Variants in OPCML observed in about 807,000 individuals in gnomAD.
OPCML encodes the protein opioid-binding protein/cell adhesion molecule.
OPCML carries 13 observed loss-of-function variants against 37.8 expected under a neutral mutation model. The observed-to-expected ratio is 0.34, with a 90% CI of 0.22 to 0.55. The LOEUF (loss-of-function observed/expected upper bound fraction) is 0.55. OPCML is among the 20% of genes least tolerant of loss of function. The pLI, the probability that OPCML is intolerant of heterozygous loss-of-function variation, is 0.91. For synonymous variants in OPCML, 176 were observed against 168.8 expected (o/e 1.04, Z -0.33); for missense variants, 341 against 435.6 (o/e 0.78, Z 1.93).
At chr11:133,102,486 T>C (rs1322291138) in intron 1 of OPCML, among the ~76,000 whole-genome samples, 1 of 152,174 alleles carries the variant, frequency 6.6e-6, no homozygotes. Flanking sequence ...CGGTGGCTCA[T>C]GCCTGTAATC....
At chr11:133,362,865 C>T (rs1462883924) in intron 1 of OPCML, among the ~76,000 whole-genome samples, 2 of 152,108 alleles carry the variant, frequency 1.3e-5, no homozygotes, top group Non-Finnish European at 2.9e-5. Flanking sequence ...CAATCAAAGC[C>T]ATTTCTCCTT....
At chr11:132,993,795 A>G (rs1457636540) in intron 1 of OPCML, among the ~76,000 whole-genome samples, 1 of 152,122 alleles carries the variant, frequency 6.6e-6, no homozygotes, top group Admixed American at 6.5e-5. Flanking sequence ...ATTTCTAGAC[A>G]TTGACAGGCC....
chr11:132,517,326 T>C (rs494050), intron 4 of OPCML, among the ~76,000 whole-genome samples: 87,689 of 152,038 alleles, frequency 0.58, 27,550 homozygotes, highest in East Asian at 0.99. Context: ...CCAAGGGTGG[T>C]AGGTGCACAG....
At chr11:132,614,510 T>C (rs1002704276) in intron 3 of OPCML, among the ~76,000 whole-genome samples, 4 of 152,092 alleles carry the variant, frequency 2.6e-5, no homozygotes, top group Admixed American at 6.6e-5. Flanking sequence ...CTTCATGTTA[T>C]ACCGCTTGTG....
intron 2 of OPCML, among the ~76,000 whole-genome samples, chr11:132,933,516 A>G (rs1945276379): frequency 6.6e-6 from 1 of 152,302 alleles, no homozygotes; most frequent in Middle Eastern, 3.4e-3. Flanking sequence ...TTGTAATTTC[A>G]GTGACTTGTG....
At chr11:133,322,133 C>T (rs1943343932) in intron 1 of OPCML, among the ~76,000 whole-genome samples, 1 of 152,244 alleles carries the variant, frequency 6.6e-6, no homozygotes, top group African/African-American at 2.4e-5. Context: ...TTAAAGATGG[C>T]TGATGGCCAT....
At chr11:132,606,056 C>T (rs1421546995) in intron 3 of OPCML, among the ~76,000 whole-genome samples, 1 of 152,092 alleles carries the variant, frequency 6.6e-6, no homozygotes, top group Non-Finnish European at 1.5e-5. Flanking sequence ...TTCTTCCTTC[C>T]AAGTGTCCTC....
chr11:133,238,394 T>C (rs979432673), intron 1 of OPCML, among the ~76,000 whole-genome samples: 2 of 152,270 alleles, frequency 1.3e-5, no homozygotes, highest in African/African-American at 4.8e-5. Flanking sequence ...TATTTACTGA[T>C]AAATTTATGT....
At chr11:132,609,205 T>G (rs560818628) in intron 3 of OPCML, among the ~76,000 whole-genome samples, 11 of 152,160 alleles carry the variant, frequency 7.2e-5, no homozygotes, top group Admixed American at 3.3e-4. Flanking sequence ...AGAACTGACA[T>G]GTAGGTCTGC....
intron 2 of OPCML, among the ~76,000 whole-genome samples, chr11:132,691,880 A>C (rs1943417939): frequency 6.6e-6 from 1 of 152,112 alleles, no homozygotes; most frequent in Non-Finnish European, 1.5e-5. Flanking sequence ...CACAGAGGGG[A>C]CTTAGAAGTC....
At chr11:132,805,653 C>A (rs1938959852) in intron 2 of OPCML, among the ~76,000 whole-genome samples, 1 of 152,136 alleles carries the variant, frequency 6.6e-6, no homozygotes. Context: ...AAACAGTCAG[C>A]CCAGAAATTC....
At position 132,418,513 on chromosome 11, in the gene OPCML, C is replaced by T. The variant is rs564028150; in HGVS notation, c.*1680G>A. Reference sequence around the variant, plus strand: ...GAGGAAACTGTGTCACTGACACTTTCTCCCTTCTGTTTGCAGTGTTGTGTT... The same window carrying T: ...GAGGAAACTGTGTCACTGACACTTTTTCCCTTCTGTTTGCAGTGTTGTGTT... On this transcript the variant is annotated 3_prime_UTR_variant, in exon 8 of 8. Transcript: ENST00000524381. 3 of 152,762 alleles carry T rather than the reference C, an allele frequency of 2.0e-5. No homozygotes were observed. The South Asian group carries it at 6.2e-4, about 32-fold the overall frequency. 9.5% of individuals were successfully genotyped at this position (152,762 alleles called of 1,614,324 possible).
At chr11:132,488,594 G>A (rs2096207058) in intron 4 of OPCML, among the ~76,000 whole-genome samples, 1 of 152,224 alleles carries the variant, frequency 6.6e-6, no homozygotes, top group Non-Finnish European at 1.5e-5. Context: ...TGAGTGGTGA[G>A]TGAATGTGAA....
intron 2 of OPCML, among the ~76,000 whole-genome samples, chr11:132,839,584 G>A (rs1941198975): frequency 1.3e-5 from 2 of 152,168 alleles, no homozygotes; most frequent in Admixed American, 6.5e-5. Flanking sequence ...GGACAAGGCT[G>A]GAGAGGACTG....
chr11:133,137,478 CAT>C (rs1307540213), intron 1 of OPCML, among the ~76,000 whole-genome samples: 13 of 152,276 alleles, frequency 8.5e-5, no homozygotes, highest in African/African-American at 3.1e-4. Context: ...AGGACTGACT[CAT>C]AGCACAGAAG....
chr11:132,495,902 A>C (rs2096229810), intron 4 of OPCML, among the ~76,000 whole-genome samples: 1 of 152,098 alleles, frequency 6.6e-6, no homozygotes, highest in African/African-American at 2.4e-5. Context: ...CTCAAAAAAA[A>C]AAAAAAAAAA....
At chr11:132,884,941 T>C (rs375650531) in intron 2 of OPCML, among the ~76,000 whole-genome samples, 1 of 152,170 alleles carries the variant, frequency 6.6e-6, no homozygotes, top group Non-Finnish European at 1.5e-5. Context: ...GTGCACCTGA[T>C]TGAATATCAG....
intron 3 of OPCML, among the ~76,000 whole-genome samples, chr11:132,598,882 A>C (rs1312073673): frequency 6.6e-6 from 1 of 152,098 alleles, no homozygotes; most frequent in Non-Finnish European, 1.5e-5. Context: ...TTTGGCTTTT[A>C]TGTGTGAGAT....
intron 2 of OPCML, among the ~76,000 whole-genome samples, chr11:132,836,901 A>G (rs2136292166): frequency 6.6e-6 from 1 of 152,340 alleles, no homozygotes; most frequent in Middle Eastern, 3.4e-3. Flanking sequence ...TTTGGAATCC[A>G]TTTGATAACC....
Sources: gnomAD v4.1 joint callset for allele counts (sites outside exome capture counted in the v4.1 genomes callset) on GRCh38, gnomAD v4.1.1 for gene constraint, MANE v1.5 for transcripts, NCBI Gene and HGNC (gene_info 2026-07-23, HGNC 2026-07-21) for gene names.